The following PTPRE variants were observed in gnomAD, a reference collection of about 807,000 sequenced individuals.
The protein encoded by PTPRE is receptor-type tyrosine-protein phosphatase epsilon.
Under a neutral mutation model 102.0 loss-of-function variants are expected in PTPRE, and 51 were observed. The ratio of observed to expected loss-of-function variants is 0.50; its 90% CI spans 0.40 to 0.63. PTPRE has a LOEUF of 0.63. Ranked by LOEUF, PTPRE falls within the 30% of genes least tolerant of loss-of-function variation. The pLI is 0.00. For missense variants in PTPRE, 752 were observed against 915.1 expected, an observed-to-expected ratio of 0.82 and a Z score of 2.30; for synonymous variants, 345 against 348.2, an observed-to-expected ratio of 0.99 and a Z score of 0.10.
At chr10:127,938,581 C>CT (rs1847996285) in intron 1 of PTPRE, among the ~76,000 whole-genome samples, 1 of 151,902 alleles carries the variant, frequency 6.6e-6, no homozygotes, top group Admixed American at 6.6e-5. Context: ...CAAAAATTGA[C>CT]TTTTTTTAAA....
chr10:127,915,086 G>A (rs1846118043), intron 1 of PTPRE, among the ~76,000 whole-genome samples: 1 of 152,144 alleles, frequency 6.6e-6, no homozygotes, highest in African/African-American at 2.4e-5. Context: ...TTGCCTTCCG[G>A]TACTTACTTT....
chr10:127,935,664 T>C (rs1055178506), intron 1 of PTPRE, among the ~76,000 whole-genome samples: 2 of 152,082 alleles, frequency 1.3e-5, no homozygotes, highest in Non-Finnish European at 2.9e-5. Context: ...TGATGACGCT[T>C]CCTGTTCCTT....
chr10:127,912,607 G>A (rs1258382061), intron 1 of PTPRE, among the ~76,000 whole-genome samples: 1 of 152,240 alleles, frequency 6.6e-6, no homozygotes, highest in Admixed American at 6.5e-5. Flanking sequence ...TTGTTGGGTG[G>A]AGAGTAAAGA....
intron 2 of PTPRE, among the ~76,000 whole-genome samples, chr10:128,017,424 G>A (rs1845526995): frequency 6.6e-6 from 1 of 152,168 alleles, no homozygotes; most frequent in African/African-American, 2.4e-5. Context: ...AAGGGCAGTA[G>A]GACAGGGTGA....
In PTPRE at chr10:128,068,266, G is replaced by A. The variant is rs373098761; in HGVS notation, c.987G>A (p.Gly329=). 49 of 1,613,646 alleles carry A rather than the reference G, an allele frequency of 3.0e-5. No individual in the cohort carries two copies. In the Middle Eastern group the frequency reaches 1.2e-3, roughly 38 times the overall value. ...KVKTLNPVHA[G]PIVVHCSAGV... is the part of the protein sequence containing the mutation. Reference sequence around the variant, plus strand: ...AGACGCTCAACCCCGTGCACGCTGGGCCCATCGTGGTCCACTGTAGGTACG... The same window carrying A: ...AGACGCTCAACCCCGTGCACGCTGGACCCATCGTGGTCCACTGTAGGTACG... The change falls in exon 12 of 21, where the codon GGG becomes GGA. Residue 329 remains glycine, a synonymous_variant. Coordinates refer to ENST00000254667, the MANE Select transcript of PTPRE (RefSeq NM_006504.6).
chr10:127,931,810 G>A (rs1847464424), intron 1 of PTPRE, among the ~76,000 whole-genome samples: 1 of 152,012 alleles, frequency 6.6e-6, no homozygotes, highest in Non-Finnish European at 1.5e-5. Context: ...TTTTATTACT[G>A]TTTATCTCCA....
At chr10:128,063,061 C>A (rs3802692) in intron 9 of PTPRE, 22 bp from the exon 10 acceptor site, 1 of 1,613,278 alleles carries the variant, frequency 6.2e-7, no homozygotes, top group Non-Finnish European at 8.5e-7. Flanking sequence ...CTTTTGACTT[C>A]GAAATTGTCC....
chr10:127,912,990 G>A (rs927152009), intron 1 of PTPRE, among the ~76,000 whole-genome samples: 4 of 152,366 alleles, frequency 2.6e-5, no homozygotes, highest in African/African-American at 9.6e-5. Flanking sequence ...ACAGCCTGGG[G>A]CTCAGGGAAA....
chr10:128,011,471 C>G (rs1317166891), intron 2 of PTPRE, among the ~76,000 whole-genome samples: 1 of 152,192 alleles, frequency 6.6e-6, no homozygotes, highest in Admixed American at 6.5e-5. Flanking sequence ...GCGCACCAGG[C>G]GGGTGCGCGG....
intron 2 of PTPRE, among the ~76,000 whole-genome samples, chr10:128,015,744 G>A (rs1590016940): frequency 6.6e-6 from 1 of 152,126 alleles, no homozygotes; most frequent in Non-Finnish European, 1.5e-5. Context: ...CCTGGAATTC[G>A]AGGTTACAGT....
At chr10:128,077,553 A>G in intron 18 of PTPRE, 64 bp from the exon 19 acceptor site, 1 of 1,536,330 alleles carries the variant, frequency 6.5e-7, no homozygotes, top group Non-Finnish European at 8.8e-7. Flanking sequence ...CTGAGAGGGC[A>G]GATGGGGCTG....
Position 127,950,970 on chromosome 10 carries a change from G to A in PTPRE, c.-30-31304G>A, listed in dbSNP as rs888350046. ...AAATTAGCCGGGCATCGTGGCGGGC[G>A]CCTATAGTCCCAGCTTCTTGAGAGG... On this transcript the variant is annotated intron_variant, in intron 1 of 20. Transcript: ENST00000254667. 7.9e-5 allele frequency among the ~76,000 whole-genome samples: 12 copies of A among 152,092 alleles called. No homozygotes were observed. The South Asian group carries it at 1.0e-3, about 13-fold the overall frequency.
chr10:127,933,856 G>A (rs931942867), intron 1 of PTPRE, among the ~76,000 whole-genome samples: 10 of 152,132 alleles, frequency 6.6e-5, no homozygotes, highest in South Asian at 2.1e-4. Flanking sequence ...GGCCCCTACC[G>A]AAGTCCTGTG....
chr10:127,969,676 A>AG (rs1850546726), intron 1 of PTPRE, among the ~76,000 whole-genome samples: 1 of 102,390 alleles, frequency 9.8e-6, no homozygotes. Flanking sequence ...AAAAAGAAAA[A>AG]AAAAAAGGGG....
At chr10:128,055,074 G>C (rs578051101) in intron 6 of PTPRE, among the ~76,000 whole-genome samples, 1 of 152,258 alleles carries the variant, frequency 6.6e-6, no homozygotes, top group South Asian at 2.1e-4. Context: ...AGTTGCAAAG[G>C]CTGGGGCAGA....
intron 2 of PTPRE, among the ~76,000 whole-genome samples, chr10:128,022,430 A>C (rs1845969770): frequency 6.6e-6 from 1 of 152,232 alleles, no homozygotes; most frequent in Non-Finnish European, 1.5e-5. Context: ...CGTTTTGTGA[A>C]GCTCGGGTCC....
chr10:128,081,574 T>C (rs1851711764), intron 20 of PTPRE, among the ~76,000 whole-genome samples: 1 of 152,014 alleles, frequency 6.6e-6, no homozygotes, highest in South Asian at 2.1e-4. Context: ...TGATATTCAG[T>C]CAATGTTGCT....
chr10:128,023,842 CATAA>C (rs761734711), intron 2 of PTPRE, among the ~76,000 whole-genome samples: 6 of 152,310 alleles, frequency 3.9e-5, no homozygotes, highest in Admixed American at 1.3e-4. Context: ...CTTTCGTGAT[CATAA>C]ATAGTCTACT....
chr10:128,047,588 G>A, intron 4 of PTPRE, 99 bp downstream of exon 4: 19 of 1,612,372 alleles, frequency 1.2e-5, no homozygotes, highest in Non-Finnish European at 1.6e-5. Flanking sequence ...GAGGGCAGCT[G>A]AGAGGCTGGG....
Sources: allele counts gnomAD v4.1 joint callset (sites outside exome capture counted in the v4.1 genomes callset), GRCh38; gene constraint gnomAD v4.1.1; transcripts MANE v1.5; gene names NCBI Gene and HGNC (gene_info 2026-07-23, HGNC 2026-07-21).